IQCM: variants seen among roughly 807,000 people sequenced by gnomAD.
IQCM encodes IQ domain-containing protein M.
In IQCM, 45 loss-of-function variants were observed where a neutral mutation model predicts 57.6. That is an observed-to-expected ratio of 0.78 (90% CI 0.62 to 1.00). IQCM has a LOEUF of 1.00. Among genes scored for constraint, IQCM ranks in the 50% least tolerant of loss-of-function variants. The probability of loss-of-function intolerance (pLI) is 0.00; values close to 1 mark genes in which losing one functional copy is unlikely to be tolerated. For synonymous variants in IQCM, 148 were observed against 158.9 expected (o/e 0.93, Z 0.51); for missense variants, 468 against 511.6 (o/e 0.91, Z 0.82).
chr4:149,621,052 G>T, intron 8 of IQCM, 77 bp downstream of exon 8: 2 of 593,308 alleles, frequency 3.4e-6, no homozygotes, highest in Non-Finnish European at 4.9e-6. Flanking sequence ...AATCTCAAGT[G>T]CTTTCATCAA....
intron 10 of IQCM, among the ~76,000 whole-genome samples, chr4:149,554,706 C>CT (rs35580641): frequency 8.4e-5 from 12 of 143,114 alleles, no homozygotes; most frequent in African/African-American, 3.1e-4. Context: ...TCTTTTCTTT[C>CT]TTTTTTTTTT....
At chr4:149,538,811 T>C (rs946613126) in intron 12 of IQCM, among the ~76,000 whole-genome samples, 20 of 151,972 alleles carry the variant, frequency 1.3e-4, no homozygotes, top group South Asian at 8.3e-4. Flanking sequence ...AAGAAACTGA[T>C]GAATTAGACT....
At chr4:149,567,590 C>G (rs1323457399) in intron 9 of IQCM, among the ~76,000 whole-genome samples, 1 of 151,948 alleles carries the variant, frequency 6.6e-6, no homozygotes, top group Non-Finnish European at 1.5e-5. Context: ...TCAAATGATC[C>G]CCTGCCTCCA....
chr4:149,407,102 C>T (rs1206754370), intron 13 of IQCM, among the ~76,000 whole-genome samples: 2 of 152,062 alleles, frequency 1.3e-5, no homozygotes, highest in Non-Finnish European at 2.9e-5. Context: ...CATCAGACTT[C>T]GTGAGACTTA....
chr4:149,703,681 T>C (rs1763937936), intron 5 of IQCM, among the ~76,000 whole-genome samples: 2 of 151,938 alleles, frequency 1.3e-5, no homozygotes, highest in South Asian at 4.1e-4. Context: ...TCAATAAAAT[T>C]AGAGAATAGT....
chr4:149,809,452 C>T (rs552464230), intron 2 of IQCM, among the ~76,000 whole-genome samples: 54 of 151,870 alleles, frequency 3.6e-4, no homozygotes, highest in African/African-American at 7.0e-4. Flanking sequence ...TTAATGTATA[C>T]GGACATATTT....
chr4:149,667,774 C>T (rs1016985791), intron 7 of IQCM, among the ~76,000 whole-genome samples: 1 of 151,788 alleles, frequency 6.6e-6, no homozygotes, highest in Admixed American at 6.6e-5. Flanking sequence ...ACAAGAACTT[C>T]GTGAAGCATA....
chr4:149,463,381 T>G (rs1738513127), intron 12 of IQCM, among the ~76,000 whole-genome samples: 1 of 152,206 alleles, frequency 6.6e-6, no homozygotes, highest in African/African-American at 2.4e-5. Flanking sequence ...GGGTTGTGAT[T>G]TTAGAGACGT....
chr4:149,402,119 C>A (rs1732656841), intron 13 of IQCM, among the ~76,000 whole-genome samples: 1 of 151,638 alleles, frequency 6.6e-6, no homozygotes, highest in Non-Finnish European at 1.5e-5. Context: ...ATAATACATT[C>A]TTGAAATTCA....
chr4:149,738,628 C>A (rs534660298), intron 3 of IQCM, among the ~76,000 whole-genome samples: 2 of 152,092 alleles, frequency 1.3e-5, no homozygotes, highest in African/African-American at 2.4e-5. Context: ...GATTACTGAG[C>A]AGAACAAGGC....
At chr4:149,575,805 A>T (rs766009653) in intron 9 of IQCM, among the ~76,000 whole-genome samples, 1 of 151,834 alleles carries the variant, frequency 6.6e-6, no homozygotes, top group African/African-American at 2.4e-5. Flanking sequence ...TGCTTAAGGC[A>T]CTCACTATGG....
chr4:149,540,361 G>C (rs905584763), intron 12 of IQCM, among the ~76,000 whole-genome samples: 2 of 150,682 alleles, frequency 1.3e-5, no homozygotes, highest in African/African-American at 2.4e-5. Flanking sequence ...TAATATTGCA[G>C]ATCATCTGAA....
intron 12 of IQCM, among the ~76,000 whole-genome samples, chr4:149,499,077 A>T (rs1386667577): frequency 6.6e-6 from 1 of 152,162 alleles, no homozygotes; most frequent in African/African-American, 2.4e-5. Context: ...TGATATATAA[A>T]TAGAAATAAA....
intron 13 of IQCM, among the ~76,000 whole-genome samples, chr4:149,362,104 A>T (rs1171104421): frequency 6.6e-6 from 1 of 152,138 alleles, no homozygotes; most frequent in African/African-American, 2.4e-5. Context: ...TTGGACTTGC[A>T]TGGGCCCTGT....
chr4:149,585,585 T>C (rs1752580111), intron 9 of IQCM, among the ~76,000 whole-genome samples: 1 of 151,700 alleles, frequency 6.6e-6, no homozygotes, highest in Non-Finnish European at 1.5e-5. Context: ...TTCATATTTC[T>C]CTCTCTCTTT....
At chr4:149,733,150 T>G in intron 5 of IQCM, 94 bp downstream of exon 5, 2 of 1,078,244 alleles carry the variant, frequency 1.9e-6, no homozygotes, top group Non-Finnish European at 2.4e-6. Flanking sequence ...GTTCAGGGAA[T>G]TATTTGAAAA....
chr4:149,446,305 G>T (rs1169657423), intron 12 of IQCM, among the ~76,000 whole-genome samples: 1 of 151,596 alleles, frequency 6.6e-6, no homozygotes, highest in African/African-American at 2.4e-5. Context: ...GAAACAGAAT[G>T]GATTCTTTGC....
intron 12 of IQCM, among the ~76,000 whole-genome samples, chr4:149,451,565 A>T: frequency 6.6e-6 from 1 of 151,838 alleles, no homozygotes; most frequent in East Asian, 1.9e-4. Context: ...TCAGACAAAA[A>T]GTCTAAAGAC....
intron 9 of IQCM, among the ~76,000 whole-genome samples, chr4:149,586,251 C>T (rs1053930787): frequency 6.6e-5 from 10 of 151,612 alleles, no homozygotes; most frequent in Admixed American, 2.0e-4. Flanking sequence ...GAAGTCTCTC[C>T]GTGGGAAGGT....
Sources: allele counts gnomAD v4.1 joint callset (sites outside exome capture counted in the v4.1 genomes callset), GRCh38; gene constraint gnomAD v4.1.1; transcripts MANE v1.5; gene names NCBI Gene and HGNC (gene_info 2026-07-23, HGNC 2026-07-21).